Variants in TENM1 observed in about 807,000 individuals in gnomAD.
TENM1 encodes the protein teneurin transmembrane protein 1.
TENM1 carries 35 observed loss-of-function variants against 174.8 expected under a neutral mutation model. The observed-to-expected ratio is 0.20, with a 90% confidence interval of 0.15 to 0.27. TENM1 has a LOEUF of 0.27. Ranked by LOEUF, TENM1 falls within the 10% of genes least tolerant of loss-of-function variation. The pLI, the probability that TENM1 is intolerant of heterozygous loss-of-function variation, is 1.00. For synonymous variants in TENM1, 781 were observed against 798.7 expected (o/e 0.98, Z 0.37); for missense variants, 1,633 against 2,130.1 (o/e 0.77, Z 4.59).
the TENM1 span, among the ~76,000 whole-genome samples, chrX:125,098,044 A>C: frequency 8.9e-6 from 1 of 112,069 alleles, no homozygotes; most frequent in Non-Finnish European, 1.9e-5. Flanking sequence ...CAGGCAGATC[A>C]CGAGGTCAGG....
exon 30 of TENM1, chrX:124,383,735 A>G (rs1321928281): frequency 8.3e-7 from 1 of 1,208,634 alleles, no homozygotes; most frequent in East Asian, 3.0e-5. Context: ...CTGTTTCCAT[A>G]TGTGATGATT....
chrX:124,732,401 T>C (rs966798935), intron 4 of TENM1, among the ~76,000 whole-genome samples: 1 of 112,078 alleles, frequency 8.9e-6, no homozygotes, highest in African/African-American at 3.2e-5. Flanking sequence ...TCAAAATGAC[T>C]GACTGCTGAG....
the TENM1 span, among the ~76,000 whole-genome samples, chrX:125,023,412 T>C: frequency 1.8e-5 from 2 of 111,182 alleles, no homozygotes; most frequent in African/African-American, 6.5e-5. Context: ...CTTTATAAAT[T>C]ACACAGTCTC....
At chrX:125,153,419 G>C in the TENM1 span, among the ~76,000 whole-genome samples, 1 of 112,300 alleles carries the variant, frequency 8.9e-6, no homozygotes, top group East Asian at 2.8e-4. Flanking sequence ...CAATACTGCT[G>C]AAACAGAATT....
intron 22 of TENM1, among the ~76,000 whole-genome samples, chrX:124,478,183 A>G (rs1264731845): frequency 1.8e-5 from 2 of 112,462 alleles, no homozygotes; most frequent in African/African-American, 6.4e-5. Context: ...AAATTAGTCA[A>G]TGGCACCACT....
intron 1 of TENM1, among the ~76,000 whole-genome samples, chrX:124,917,539 T>C (rs1268419012): frequency 9.0e-6 from 1 of 111,703 alleles, no homozygotes; most frequent in African/African-American, 3.3e-5. Context: ...TGTCCTTCAC[T>C]ATATCACCTC....
the TENM1 span, among the ~76,000 whole-genome samples, chrX:125,024,430 A>T: frequency 1.8e-5 from 2 of 110,558 alleles, no homozygotes; most frequent in South Asian, 7.8e-4. Context: ...ACTCAGCCAT[A>T]AAAAAAGTGA....
the TENM1 span, among the ~76,000 whole-genome samples, chrX:125,203,618 G>A: frequency 8.9e-6 from 1 of 112,673 alleles, no homozygotes; most frequent in East Asian, 2.8e-4. Flanking sequence ...GAAGAAGGAT[G>A]CGGAGGCTCT....
intron 5 of TENM1, among the ~76,000 whole-genome samples, chrX:124,693,140 A>C (rs141520322): frequency 0.012 from 1,281 of 110,528 alleles, 17 homozygotes; most frequent in African/African-American, 0.039. Flanking sequence ...CCTCCCACTA[A>C]AAGGCCCAGA....
At chrX:125,163,473 G>T in the TENM1 span, among the ~76,000 whole-genome samples, 1 of 111,152 alleles carries the variant, frequency 9.0e-6, no homozygotes, top group Non-Finnish European at 1.9e-5. Context: ...TAAGGATGGA[G>T]CAGTTCATGT....
intron 11 of TENM1, among the ~76,000 whole-genome samples, chrX:124,630,158 G>A (rs1025356403): frequency 1.8e-5 from 2 of 112,474 alleles, no homozygotes; most frequent in African/African-American, 6.5e-5. Flanking sequence ...CATATTTAGA[G>A]TGCCTTAACT....
chrX:125,048,672 G>T, the TENM1 span, among the ~76,000 whole-genome samples: 7 of 111,022 alleles, frequency 6.3e-5, no homozygotes, highest in Non-Finnish European at 9.5e-5. Context: ...AAAACTGACT[G>T]TGGTGATGGT....
chrX:124,436,851 C>T (rs1306895122), intron 23 of TENM1, among the ~76,000 whole-genome samples: 2 of 109,997 alleles, frequency 1.8e-5, no homozygotes, highest in African/African-American at 3.3e-5. Flanking sequence ...TTTTTTCTGA[C>T]CCTGTAACAT....
intron 1 of TENM1, among the ~76,000 whole-genome samples, chrX:124,944,132 T>C (rs1481444996): frequency 8.9e-6 from 1 of 111,787 alleles, no homozygotes; most frequent in Non-Finnish European, 1.9e-5. Context: ...CTTATTATTA[T>C]AATGATAAGT....
At chrX:124,738,254 C>T (rs1038896989) in intron 3 of TENM1, among the ~76,000 whole-genome samples, 2 of 111,444 alleles carry the variant, frequency 1.8e-5, no homozygotes, top group African/African-American at 6.5e-5. Context: ...AGCAGAAAAA[C>T]GCCAGAGGCT....
upstream of TENM1, among the ~76,000 whole-genome samples, chrX:124,968,407 C>A (rs2058752636): frequency 1.8e-5 from 2 of 111,650 alleles, no homozygotes; most frequent in Admixed American, 1.9e-4. Flanking sequence ...TATGATTTAT[C>A]ATGTTAAAAT....
At chrX:125,141,021 T>C in the TENM1 span, among the ~76,000 whole-genome samples, 1 of 111,925 alleles carries the variant, frequency 8.9e-6, no homozygotes, top group Non-Finnish European at 1.9e-5. Context: ...GACGAAAGTA[T>C]ACTAGACATA....
At chrX:125,005,189 TACAC>T in the TENM1 span, among the ~76,000 whole-genome samples, 10,506 of 88,454 alleles carry the variant, frequency 0.12, 528 homozygotes, top group South Asian at 0.22. Context: ...GATGTATACA[TACAC>T]ACACACACAC....
intron 3 of TENM1, among the ~76,000 whole-genome samples, chrX:124,835,674 T>A (rs772424363): frequency 1.9e-4 from 21 of 111,810 alleles, no homozygotes; most frequent in Non-Finnish European, 3.9e-4. Flanking sequence ...TTCTAAGAGG[T>A]CACTGATTTG....
Sources: gnomAD v4.1 joint callset for allele counts (sites outside exome capture counted in the v4.1 genomes callset) on GRCh38, gnomAD v4.1.1 for gene constraint, MANE v1.5 for transcripts, NCBI Gene and HGNC (gene_info 2026-07-23, HGNC 2026-07-21) for gene names.